Variants in CROCC2 observed in about 807,000 individuals in gnomAD.
CROCC2 encodes ciliary rootlet coiled-coil protein 2.
CROCC2 carries 163 observed loss-of-function variants against 177.6 expected under a neutral mutation model. The observed-to-expected ratio is 0.92, with a 90% CI of 0.81 to 1.05. The LOEUF (loss-of-function observed/expected upper bound fraction) is 1.05, where lower values mean the gene tolerates loss of function less well. Among genes scored for constraint, CROCC2 ranks in the 50% least tolerant of loss-of-function variants. CROCC2 has a pLI of 0.00. For synonymous variants in CROCC2, 904 were observed against 787.3 expected, an observed-to-expected ratio of 1.15 and a Z score of -2.48; for missense variants, 1,929 against 1,797.8, an observed-to-expected ratio of 1.07 and a Z score of -1.32.
At chr2:240,971,717 T>A (rs2059722216) in intron 27 of CROCC2, among the ~76,000 whole-genome samples, 1 of 152,116 alleles carries the variant, frequency 6.6e-6, no homozygotes, top group South Asian at 2.1e-4. Context: ...AAAAAAAACA[T>A]CTCTTCTCCT....
In CROCC2 at chr2:240,933,695, G is replaced by T. The variant is rs1317081291; in HGVS notation, c.1489G>T (p.Val497Leu). 1 of 1,550,380 alleles carries T rather than the reference G, an allele frequency of 6.5e-7. No homozygotes were observed. Among genetic ancestry groups the T allele is most frequent in the South Asian group, 1.2e-5 (1 of 84,058 alleles). ...GREKAALEMV[V>L]EELKGKADAA... ...GGAGAAGGCTGCTCTGGAGATGGTG[G>T]TGGAGGAGCTGAAAGGGAAGGCAGA... Residue 497 changes from valine (V) to leucine (L), a missense_variant, in exon 11 of 32, where the codon GTG becomes TTG. Transcript: ENST00000690015.
In CROCC2 at chr2:240,955,955, C is replaced by T; in HGVS notation, c.2926C>T (p.Gln976Ter). The change falls in exon 19 of 32, where the codon CAG (glutamine) becomes TAG (stop). Residue 976 changes from glutamine (Q) to a stop codon, truncating the protein, a stop_gained. Coordinates refer to ENST00000690015, the MANE Select transcript of CROCC2 (RefSeq NM_001351305.2). LOFTEE classifies it high-confidence loss of function. ...GCGGGTACAGCAGGAGGCACAGAGC[C>T]AGCAGGAGCAAGCGCAGGTGAGCCC... ...LERVQQEAQS[Q>*]QEQAQATISA... 6.5e-7 allele frequency: 1 copy of T among 1,534,558 alleles called. No individual in the cohort carries two copies. Among genetic ancestry groups the T allele is most frequent in the Non-Finnish European group, 8.7e-7 (1 of 1,146,864 alleles).
intron 10 of CROCC2, 35 bp downstream of exon 10, chr2:240,933,377 G>C: frequency 6.9e-7 from 1 of 1,455,940 alleles, no homozygotes. Flanking sequence ...GCCTTGCACA[G>C]GGTGTATGGG....
At chr2:240,965,351 G>T in intron 22 of CROCC2, 30 bp from the exon 23 acceptor site, 1 of 1,548,162 alleles carries the variant, frequency 6.5e-7, no homozygotes. Flanking sequence ...AGAGACCAGT[G>T]ACCCTGTCCG....
chr2:240,963,676 C>A lies in CROCC2; in HGVS notation c.3208C>A (p.Arg1070=). The change falls in exon 21 of 32, where the codon CGG becomes AGG. Residue 1070 remains arginine, a synonymous_variant. Coordinates refer to ENST00000690015, the MANE Select transcript of CROCC2 (RefSeq NM_001351305.2). ...GCACAGGGAGGCCCAGGAGGCCCGCCGGGCGCTGAGTGACGAGGCCCGCGA... is the reference window on the plus strand; with the variant it reads ...GCACAGGGAGGCCCAGGAGGCCCGCAGGGCGCTGAGTGACGAGGCCCGCGA... ...GLHREAQEAR[R]ALSDEAREKD... 1.3e-6 allele frequency: 2 copies of A among 1,550,124 alleles called. No homozygotes were observed. The highest frequency in any genetic ancestry group is 1.7e-6 in the Non-Finnish European group (2 of 1,146,790).
intron 1 of CROCC2, 80 bp downstream of exon 1, chr2:240,906,671 G>A (rs1264662892): frequency 1.0e-5 from 4 of 398,722 alleles, no homozygotes; most frequent in East Asian, 3.6e-5. Flanking sequence ...GCAAAGAGAG[G>A]GGATGGCCAG....
At chr2:240,968,073 G>T in intron 26 of CROCC2, 56 bp from the exon 27 acceptor site, 2 of 1,376,982 alleles carry the variant, frequency 1.5e-6, no homozygotes, top group Non-Finnish European at 1.9e-6. Context: ...TGCATTGCCT[G>T]CCTGTGACCT....
At chr2:240,967,802 C>A (rs1160627658) in intron 26 of CROCC2, among the ~76,000 whole-genome samples, 1 of 152,086 alleles carries the variant, frequency 6.6e-6, no homozygotes, top group Non-Finnish European at 1.5e-5. Context: ...CTCTGCCTGG[C>A]ACCCTCTCCC....
At chr2:240,989,856 CT>C (rs746304357) in intron 30 of CROCC2, 23 bp downstream of exon 30, 49 of 1,520,912 alleles carry the variant, frequency 3.2e-5, no homozygotes, top group African/African-American at 4.1e-5. Context: ...CCCCAGCCCC[CT>C]GGGTGAGGGA....
Position 240,989,824 on chromosome 2 carries a change from G to A in CROCC2, c.4854G>A (p.Leu1618=). 6.5e-7 allele frequency: 1 copy of A among 1,542,154 alleles called. No homozygotes were observed. Among genetic ancestry groups the A allele is most frequent in the Non-Finnish European group, 8.8e-7 (1 of 1,140,700 alleles). Residue 1618 remains leucine (L), a synonymous_variant, in exon 30 of 32, where the codon CTG becomes CTA. Coordinates refer to ENST00000690015, the MANE Select transcript of CROCC2 (RefSeq NM_001351305.2). ...CCCACCAGCAGCAGGTAAAGGTGCT[G>A]GAAGAGCAGGTAAGGTCGGGACCCC... ...EWTHQQQVKV[L]EEQVASLKEQ...
intron 15 of CROCC2, 40 bp downstream of exon 15, chr2:240,946,293 C>T (rs1455402775): frequency 6.7e-7 from 1 of 1,488,624 alleles, no homozygotes; most frequent in Non-Finnish European, 9.1e-7. Flanking sequence ...TCCCACGTGT[C>T]CTTGCCCACA....
intron 1 of CROCC2, among the ~76,000 whole-genome samples, chr2:240,914,715 G>A (rs998001126): frequency 1.3e-5 from 2 of 152,176 alleles, no homozygotes; most frequent in African/African-American, 4.8e-5. Context: ...TGGGTGGGCG[G>A]GGGTCCCGAT....
intron 12 of CROCC2, 125 bp downstream of exon 12, chr2:240,934,600 C>T (rs907858606): frequency 9.8e-7 from 1 of 1,024,562 alleles, no homozygotes; most frequent in Non-Finnish European, 1.4e-6. Flanking sequence ...CACCAGAGAT[C>T]CCAAAGTCAC....
intron 19 of CROCC2, chr2:240,957,878 A>G: frequency 1.5e-6 from 1 of 672,682 alleles, no homozygotes; most frequent in Non-Finnish European, 1.8e-6. Context: ...CTGGCCCAGC[A>G]GCTCTCTTGG....
Position 240,949,469 on chromosome 2 carries a change from A to G in CROCC2, c.2483-64A>G. On this transcript the variant is annotated intron_variant, in intron 16 of 31. Coordinates refer to ENST00000690015, the MANE Select transcript of CROCC2 (RefSeq NM_001351305.2). The surrounding 1 kb of genome is among the most constrained non-coding windows in gnomAD (Gnocchi z 4.5). ...GCCCCCAAGACTGTCACTCCCTAGG[A>G]AGTCCCAAAGGGTTCAGGGGTCCAC... 1.3e-6 allele frequency: 2 copies of G among 1,515,440 alleles called. No homozygotes were observed. The highest frequency in any genetic ancestry group is 2.5e-5 in the South Asian group (2 of 81,102). The allele number at this position is 1,515,440 out of a possible 1,614,324, so 93.9% of individuals were successfully genotyped here. A position where few individuals can be genotyped will look rare whatever the true frequency, so the allele number is the denominator to read the frequency against.
chr2:240,959,504 G>T, intron 20 of CROCC2, 60 bp downstream of exon 20: 15 of 1,524,666 alleles, frequency 9.8e-6, no homozygotes, highest in African/African-American at 1.4e-5. Context: ...AGCAGGGCAG[G>T]TACCAAGAGA....
In CROCC2 at chr2:240,962,803, G is replaced by A. The variant is rs547914509; in HGVS notation, c.3088-753G>A. Among the ~76,000 whole-genome samples the A allele has an allele frequency of 3.3e-5, 5 of 152,292 alleles. No homozygotes were observed. In the South Asian group the frequency reaches 1.0e-3, roughly 32 times the overall value. On this transcript the variant is annotated intron_variant, in intron 20 of 31. Coordinates refer to ENST00000690015, the MANE Select transcript of CROCC2 (RefSeq NM_001351305.2). ...GCAGGAGACTGGGCGCCAGGGCCGA[G>A]CCCCAGCAAGTCCCCACCCCCAGAG...
At chr2:240,985,513 T>C (rs1574799727) in intron 28 of CROCC2, among the ~76,000 whole-genome samples, 1 of 19,688 alleles carries the variant, frequency 5.1e-5, no homozygotes, top group Admixed American at 6.5e-4. Flanking sequence ...AGGCACTCAC[T>C]CTACACACAC....
At chr2:240,959,547 G>T (rs1256132470) in intron 20 of CROCC2, 103 bp downstream of exon 20, 1 of 1,400,380 alleles carries the variant, frequency 7.1e-7, no homozygotes, top group Non-Finnish European at 9.6e-7. Context: ...GGAAAGAGAG[G>T]CTGTACCACA....
Sources: gnomAD v4.1 joint callset for allele counts (sites outside exome capture counted in the v4.1 genomes callset) on GRCh38, gnomAD v4.1.1 for gene constraint, Gnocchi (gnomAD v3.1) non-coding constraint, MANE v1.5 for transcripts, NCBI Gene and HGNC (gene_info 2026-07-23, HGNC 2026-07-21) for gene names.